CD44: variants seen among roughly 807,000 people sequenced by gnomAD.
CD44 encodes the protein CD44 antigen.
A neutral mutation model predicts 88.8 loss-of-function variants in CD44; 49 were observed. The ratio of observed to expected loss-of-function variants is 0.55; its 90% CI spans 0.44 to 0.70. The LOEUF (loss-of-function observed/expected upper bound fraction) is 0.70, where lower values mean the gene tolerates loss of function less well. Among genes scored for constraint, CD44 ranks in the 30% least tolerant of loss-of-function variants. The pLI, the probability that CD44 is intolerant of heterozygous loss-of-function variation, is 0.00. For synonymous variants in CD44, 325 were observed against 312.3 expected (o/e 1.04, Z -0.43); for missense variants, 883 against 913.8 (o/e 0.97, Z 0.43).
At chr11:35,182,811 T>C (rs2060071259) in intron 3 of CD44, among the ~76,000 whole-genome samples, 1 of 152,174 alleles carries the variant, frequency 6.6e-6, no homozygotes. Flanking sequence ...TCTTGCTGAG[T>C]GAATGTATGC....
intron 1 of CD44, among the ~76,000 whole-genome samples, chr11:35,150,087 A>C (rs768635092): frequency 6.6e-6 from 1 of 152,176 alleles, no homozygotes; most frequent in Non-Finnish European, 1.5e-5. Context: ...ATTGCTTCAC[A>C]TGGCCAGAAA....
At chr11:35,219,470 G>A in intron 16 of CD44, 83 bp downstream of exon 16, 2 of 951,446 alleles carry the variant, frequency 2.1e-6, no homozygotes, top group South Asian at 1.4e-5. Flanking sequence ...AGACTCATTT[G>A]AAAGCACATT....
chr11:35,190,426 C>T (rs1174629292), intron 5 of CD44: 2 of 273,068 alleles, frequency 7.3e-6, no homozygotes, highest in African/African-American at 4.4e-5. Flanking sequence ...TGTTCTTATC[C>T]ACCTATGGAT....
chr11:35,180,554 C>G (rs1944889797), intron 3 of CD44, 147 bp downstream of exon 3: 1 of 843,736 alleles, frequency 1.2e-6, no homozygotes, highest in Non-Finnish European at 1.9e-6. Flanking sequence ...ATTCCTGTCT[C>G]CATGGAGCTT....
At position 35,145,035 on chromosome 11, in the gene CD44, C is replaced by A. The variant is rs1048301519; in HGVS notation, c.67+5665C>A. On this transcript the variant is annotated intron_variant, in intron 1 of 17. Transcript: ENST00000428726. ...CTTGTTTGCTGGATGTGGACATATGCACATTGCAGGTATGCCTATAAGTAC... is the reference window on the plus strand; with the variant it reads ...CTTGTTTGCTGGATGTGGACATATGAACATTGCAGGTATGCCTATAAGTAC... Among the ~76,000 whole-genome samples, 17 of 152,330 alleles carry A rather than the reference C, an allele frequency of 1.1e-4. 1 individual carries two copies. In the East Asian group the frequency reaches 3.1e-3, roughly 28 times the overall value.
intron 14 of CD44, 48 bp downstream of exon 14, chr11:35,211,497 A>T: frequency 1.5e-6 from 2 of 1,346,980 alleles, no homozygotes; most frequent in Non-Finnish European, 2.1e-6. Flanking sequence ...ATAGAGAAAC[A>T]ATATATAGTT....
At chr11:35,202,749 C>G (rs552322706) in intron 9 of CD44, among the ~76,000 whole-genome samples, 1 of 152,112 alleles carries the variant, frequency 6.6e-6, no homozygotes, top group Non-Finnish European at 1.5e-5. Context: ...CTGAATATAT[C>G]CAGCAGATCT....
At chr11:35,142,245 G>A (rs1193218659) in intron 1 of CD44, among the ~76,000 whole-genome samples, 2 of 151,962 alleles carry the variant, frequency 1.3e-5, no homozygotes, top group South Asian at 2.1e-4. Flanking sequence ...TCAGTGTGGC[G>A]ATTCCTCAGG....
At chr11:35,202,524 A>G (rs192454504) in intron 9 of CD44, among the ~76,000 whole-genome samples, 2 of 152,298 alleles carry the variant, frequency 1.3e-5, no homozygotes, top group Non-Finnish European at 2.9e-5. Context: ...TATTTGGAAT[A>G]AAAGTATTTA....
At chr11:35,154,163 T>A (rs1228988966) in intron 1 of CD44, among the ~76,000 whole-genome samples, 1 of 152,222 alleles carries the variant, frequency 6.6e-6, no homozygotes, top group Non-Finnish European at 1.5e-5. Context: ...ATCTTGAGTG[T>A]CAAGCATTGG....
intron 1 of CD44, among the ~76,000 whole-genome samples, chr11:35,174,112 C>T (rs1332667332): frequency 6.6e-6 from 1 of 152,214 alleles, no homozygotes; most frequent in African/African-American, 2.4e-5. Flanking sequence ...TAGGTCCCCT[C>T]TCCTATTGCT....
chr11:35,148,107 G>T (rs147304862), intron 1 of CD44, among the ~76,000 whole-genome samples: 3,190 of 151,632 alleles, frequency 0.021, 96 homozygotes, highest in African/African-American at 0.073. Flanking sequence ...AAAAAAAGGT[G>T]CCAGGGAGAA....
chr11:35,176,460 G>A (rs111607249), intron 1 of CD44, 115 bp from the exon 2 acceptor site: 117,692 of 878,266 alleles, frequency 0.13, 8,721 homozygotes, highest in Admixed American at 0.23. Context: ...TTGTAGGCAT[G>A]AGCCACCGCG....
At chr11:35,143,905 C>A (rs1272543577) in intron 1 of CD44, among the ~76,000 whole-genome samples, 1 of 152,224 alleles carries the variant, frequency 6.6e-6, no homozygotes, top group African/African-American at 2.4e-5. Flanking sequence ...TAGGGCAATG[C>A]CCTCTGCCTG....
chr11:35,228,157 G>A (rs1949838802), intron 17 of CD44, among the ~76,000 whole-genome samples: 1 of 152,208 alleles, frequency 6.6e-6, no homozygotes, highest in African/African-American at 2.4e-5. Flanking sequence ...GCATTAGGCT[G>A]GGTGGGGTGA....
intron 1 of CD44, among the ~76,000 whole-genome samples, chr11:35,145,322 T>C (rs1364053073): frequency 1.3e-5 from 2 of 152,174 alleles, no homozygotes; most frequent in Non-Finnish European, 2.9e-5. Flanking sequence ...TATCTATATA[T>C]ATGGAAGCAT....
chr11:35,168,404 T>G (rs1943535381), intron 1 of CD44, among the ~76,000 whole-genome samples: 1 of 152,182 alleles, frequency 6.6e-6, no homozygotes, highest in Non-Finnish European at 1.5e-5. Context: ...ATGGGGATAA[T>G]AAAAATGCCT....
intron 1 of CD44, among the ~76,000 whole-genome samples, chr11:35,168,458 A>G (rs545324824): frequency 6.6e-6 from 1 of 152,350 alleles, no homozygotes; most frequent in South Asian, 2.1e-4. Context: ...TATTAGGTGT[A>G]AAGTGCTGAA....
In CD44 at chr11:35,214,383, C is replaced by T. The variant is rs114686719; in HGVS notation, c.1811-469C>T. Among the ~76,000 whole-genome samples the T allele has an allele frequency of 7.6e-3, 1,162 of 152,156 alleles. 27 individuals are homozygous for T. The highest frequency in any genetic ancestry group is 0.027 in the African/African-American group (1,111 of 41,500). ...TCCTTATTGCATACTAATTTCCTGCCGCCAAGAAATCTCTGTTTCATGCCC... is the reference window on the plus strand; with the variant it reads ...TCCTTATTGCATACTAATTTCCTGCTGCCAAGAAATCTCTGTTTCATGCCC... On this transcript the variant is annotated intron_variant, in intron 14 of 17. Coordinates refer to ENST00000428726, the MANE Select transcript of CD44 (RefSeq NM_000610.4).
Sources: gnomAD v4.1 joint callset for allele counts (sites outside exome capture counted in the v4.1 genomes callset) on GRCh38, gnomAD v4.1.1 for gene constraint, MANE v1.5 for transcripts, NCBI Gene and HGNC (gene_info 2026-07-23, HGNC 2026-07-21) for gene names.